Variants in PSMA8 observed in about 807,000 individuals in gnomAD.
PSMA8 encodes the protein proteasome subunit alpha-type 8.
A neutral mutation model predicts 32.4 loss-of-function variants in PSMA8; 18 were observed. That is an observed-to-expected ratio of 0.56 (90% CI 0.38 to 0.82). PSMA8 has a LOEUF of 0.82. PSMA8 is among the 40% of genes least tolerant of loss of function. The pLI is 0.00. For synonymous variants in PSMA8, 104 were observed against 98.1 expected (o/e 1.06, Z -0.36); for missense variants, 298 against 300.7 (o/e 0.99, Z 0.07).
At chr18:26,173,480 A>ATTTCCTTGT (rs2055240261) in intron 4 of PSMA8, among the ~76,000 whole-genome samples, 1 of 151,214 alleles carries the variant, frequency 6.6e-6, no homozygotes, top group African/African-American at 2.4e-5. Context: ...TATTTTACAT[A>ATTTCCTTGT]TTTCCTTGTT....
intron 1 of PSMA8, among the ~76,000 whole-genome samples, chr18:26,140,493 C>T (rs1360411340): frequency 6.6e-6 from 1 of 152,194 alleles, no homozygotes; most frequent in Non-Finnish European, 1.5e-5. Context: ...TATTTCTGTG[C>T]TTTGGTCTCT....
At chr18:26,136,380 C>T (rs1427708129) in intron 1 of PSMA8, among the ~76,000 whole-genome samples, 1 of 152,130 alleles carries the variant, frequency 6.6e-6, no homozygotes, top group African/African-American at 2.4e-5. Flanking sequence ...CTCTGTATTT[C>T]CTACTTTATC....
At chr18:26,137,542 A>G (rs979603738) in intron 1 of PSMA8, among the ~76,000 whole-genome samples, 1 of 152,238 alleles carries the variant, frequency 6.6e-6, no homozygotes, top group Non-Finnish European at 1.5e-5. Context: ...AACAGAATCT[A>G]GTTCACAGAA....
In PSMA8 at chr18:26,134,195, C is replaced by T. The variant is rs557562516; in HGVS notation, c.102+128C>T. On this transcript the variant is annotated intron_variant, in intron 1 of 6. Coordinates refer to ENST00000415576, the MANE Select transcript of PSMA8 (RefSeq NM_001025096.2). ...GAGATTCCCACACTTGTGAAAATTACTTTGTTCTTTTTATTTAGGGAGACA... is the reference window on the plus strand; with the variant it reads ...GAGATTCCCACACTTGTGAAAATTATTTTGTTCTTTTTATTTAGGGAGACA... The T allele has an allele frequency of 1.4e-5, 9 of 660,432 alleles. No individual in the cohort carries two copies. The African/African-American group carries it at 1.5e-4, about 11-fold the overall frequency. 40.9% of individuals were successfully genotyped at this position (660,432 alleles called of 1,614,324 possible).
intron 6 of PSMA8, among the ~76,000 whole-genome samples, chr18:26,187,908 AC>A (rs1418032319): frequency 1.3e-5 from 2 of 152,216 alleles, no homozygotes; most frequent in Non-Finnish European, 2.9e-5. Flanking sequence ...GAAACATCAG[AC>A]TTAAACTGCA....
intron 6 of PSMA8, among the ~76,000 whole-genome samples, chr18:26,181,923 G>GAAA (rs1292805950): frequency 1.8e-5 from 2 of 113,976 alleles, no homozygotes; most frequent in Non-Finnish European, 3.7e-5. Flanking sequence ...GACGCCATCT[G>GAAA]AAAAAAAAAA....
chr18:26,179,515 C>G (rs1416967208), intron 6 of PSMA8, among the ~76,000 whole-genome samples: 5 of 152,104 alleles, frequency 3.3e-5, no homozygotes, highest in Non-Finnish European at 1.5e-5. Context: ...TAATACGTAG[C>G]ACGATAACCT....
At position 26,170,829 on chromosome 18, in the gene PSMA8, T is replaced by G; in HGVS notation, c.478-8001T>G. 6 of 1,559,076 alleles carry G rather than the reference T, an allele frequency of 3.8e-6. 2 individuals carry two copies. The Admixed American group carries it at 1.1e-4, about 28-fold the overall frequency. On this transcript the variant is annotated intron_variant, in intron 4 of 6. Coordinates refer to ENST00000415576, the MANE Select transcript of PSMA8 (RefSeq NM_001025096.2). ...TGGCAGAAGTTTATATTTCTCCAAA[T>G]CAATTTCTGGAAAAAACGTGTCACT...
intron 3 of PSMA8, among the ~76,000 whole-genome samples, chr18:26,157,358 G>A (rs2144304887): frequency 6.6e-6 from 1 of 151,256 alleles, no homozygotes; most frequent in East Asian, 2.0e-4. Context: ...TTCGAGACCA[G>A]CCTGGCCAAC....
chr18:26,192,181 C>A, intron 6 of PSMA8, 138 bp from the exon 7 acceptor site: 1 of 752,626 alleles, frequency 1.3e-6, no homozygotes, highest in Non-Finnish European at 1.8e-6. Context: ...TGAAATGCTT[C>A]ATTGTATATT....
chr18:26,191,801 T>G (rs1187182286), intron 6 of PSMA8, among the ~76,000 whole-genome samples: 1 of 152,164 alleles, frequency 6.6e-6, no homozygotes, highest in Non-Finnish European at 1.5e-5. Flanking sequence ...TGGATCTACT[T>G]GTGAACAGTA....
chr18:26,181,367 C>T (rs2055309760), intron 6 of PSMA8, among the ~76,000 whole-genome samples: 1 of 152,072 alleles, frequency 6.6e-6, no homozygotes, highest in African/African-American at 2.4e-5. Context: ...CTCCACTGAC[C>T]AGCTATTTAC....
At chr18:26,192,244 T>C in intron 6 of PSMA8, 75 bp from the exon 7 acceptor site, 2 of 1,132,584 alleles carry the variant, frequency 1.8e-6, no homozygotes, top group Non-Finnish European at 2.3e-6. Flanking sequence ...TATTAAATAT[T>C]GGAATTCTTC....
At chr18:26,153,526 G>C (rs952592396) in intron 3 of PSMA8, among the ~76,000 whole-genome samples, 3 of 152,224 alleles carry the variant, frequency 2.0e-5, no homozygotes, top group Middle Eastern at 3.4e-3. Context: ...TTGCAAATAA[G>C]TATCACACAG....
At chr18:26,181,924 A>G (rs370917844) in intron 6 of PSMA8, among the ~76,000 whole-genome samples, 3 of 132,352 alleles carry the variant, frequency 2.3e-5, no homozygotes, top group African/African-American at 8.2e-5. Flanking sequence ...ACGCCATCTG[A>G]AAAAAAAAAA....
chr18:26,146,495 T>C (rs565876690), intron 2 of PSMA8, among the ~76,000 whole-genome samples: 1 of 152,340 alleles, frequency 6.6e-6, no homozygotes, highest in South Asian at 2.1e-4. Context: ...CCAGGCATAG[T>C]GGCTCATACC....
At chr18:26,162,605 C>T (rs1315429926) in intron 4 of PSMA8, among the ~76,000 whole-genome samples, 1 of 152,138 alleles carries the variant, frequency 6.6e-6, no homozygotes, top group Non-Finnish European at 1.5e-5. Flanking sequence ...GTGTCTCATG[C>T]CTGTAATCCC....
intron 2 of PSMA8, among the ~76,000 whole-genome samples, chr18:26,147,438 G>C (rs966159569): frequency 6.6e-6 from 1 of 151,944 alleles, no homozygotes; most frequent in Non-Finnish European, 1.5e-5. Flanking sequence ...ATCAAAACTT[G>C]GGGAATGTAT....
intron 4 of PSMA8, among the ~76,000 whole-genome samples, chr18:26,175,270 CAT>C (rs2055254829): frequency 1.3e-5 from 2 of 152,150 alleles, no homozygotes; most frequent in Non-Finnish European, 2.9e-5. Context: ...CTTAGGGTCA[CAT>C]AGCCTCATGG....
Sources: allele counts gnomAD v4.1 joint callset (sites outside exome capture counted in the v4.1 genomes callset), GRCh38; gene constraint gnomAD v4.1.1; transcripts MANE v1.5; gene names NCBI Gene and HGNC (gene_info 2026-07-23, HGNC 2026-07-21).